NFIC: variants seen among roughly 807,000 people sequenced by gnomAD.
NFIC encodes the protein nuclear factor 1 C-type.
NFIC carries 12 observed loss-of-function variants against 54.4 expected under a neutral mutation model. That is an observed-to-expected ratio of 0.22 (90% confidence interval 0.14 to 0.36). The LOEUF is 0.36. Among genes scored for constraint, NFIC ranks in the 10% least tolerant of loss-of-function variants. The pLI is 1.00. For synonymous variants in NFIC, 322 were observed against 319.2 expected, an observed-to-expected ratio of 1.01 and a Z score of -0.09; for missense variants, 575 against 718.2, an observed-to-expected ratio of 0.80 and a Z score of 2.28.
intron 5 of NFIC, 163 bp from the exon 6 acceptor site, chr19:3,434,920 G>A (rs957056778): frequency 4.7e-5 from 44 of 941,794 alleles, no homozygotes; most frequent in Non-Finnish European, 6.3e-5. Flanking sequence ...TGGAACAGGC[G>A]TTCGTAGGGA....
chr19:3,458,925 A>G lies in NFIC; in HGVS notation c.1509+2290A>G, dbSNP rs1001511937. ...CCCAAACTGGGCATCCAGGGAGCAC[A>G]GGTCTGGGGAGGACCCCATTGCTGC... On this transcript the variant is annotated intron_variant, in intron 10 of 10. Coordinates refer to ENST00000443272, the MANE Select transcript of NFIC (RefSeq NM_001245002.2). The surrounding 1 kb of genome is among the most constrained non-coding windows in gnomAD (Gnocchi z 4.1). Among the ~76,000 whole-genome samples the G allele has an allele frequency of 6.6e-6, 1 of 152,090 alleles. No individual in the cohort carries two copies. Among genetic ancestry groups the G allele is most frequent in the Non-Finnish European group, 1.5e-5 (1 of 67,984 alleles).
In NFIC at chr19:3,464,141, C is replaced by CG. The variant is rs2082682949; in HGVS notation, c.*1373dup. On this transcript the variant is annotated 3_prime_UTR_variant, in exon 11 of 11. Coordinates refer to ENST00000443272, the MANE Select transcript of NFIC (RefSeq NM_001245002.2). ...GACCCCCCTCCCTGGTGCCTCCCAGCGAAGGGGGACCGCCGTTTGCACTTT... is the reference window on the plus strand; with the variant it reads ...GACCCCCCTCCCTGGTGCCTCCCAGCGGAAGGGGGACCGCCGTTTGCACTTT... The CG allele has an allele frequency of 2.0e-6, 2 of 985,182 alleles. No homozygotes were observed. Among genetic ancestry groups the CG allele is most frequent in the African/African-American group, 3.5e-5 (2 of 57,180 alleles). 61.0% of individuals were successfully genotyped at this position (985,182 alleles called of 1,614,324 possible). A position where few individuals can be genotyped will look rare whatever the true frequency, so the allele number is the denominator to read the frequency against.
intron 2 of NFIC, among the ~76,000 whole-genome samples, chr19:3,385,207 C>G (rs1232690517): frequency 3.3e-5 from 5 of 151,412 alleles, no homozygotes; most frequent in South Asian, 2.1e-4. Flanking sequence ...GCACACCCCC[C>G]CCCAACCCTC....
At chr19:3,395,765 C>T (rs975307170) in intron 2 of NFIC, among the ~76,000 whole-genome samples, 2 of 152,162 alleles carry the variant, frequency 1.3e-5, no homozygotes, top group East Asian at 1.9e-4. Flanking sequence ...ACTGCAACCT[C>T]CACCTCCCGG....
At chr19:3,377,251 G>A (rs964157973) in intron 1 of NFIC, among the ~76,000 whole-genome samples, 2 of 139,752 alleles carry the variant, frequency 1.4e-5, no homozygotes, top group African/African-American at 5.3e-5. Context: ...GGAGAATGGC[G>A]TGAACCCGGG....
At chr19:3,397,345 T>G (rs940529259) in intron 2 of NFIC, among the ~76,000 whole-genome samples, 8 of 152,222 alleles carry the variant, frequency 5.3e-5, no homozygotes, top group African/African-American at 1.9e-4. Context: ...GGGACTGCCC[T>G]GGAACGTTCC....
intron 2 of NFIC, among the ~76,000 whole-genome samples, chr19:3,387,829 G>A (rs965089697): frequency 7.2e-5 from 11 of 152,158 alleles, no homozygotes; most frequent in African/African-American, 1.9e-4. Context: ...AGGGTGACCC[G>A]GGTGCTCTCC....
intron 6 of NFIC, among the ~76,000 whole-genome samples, chr19:3,438,228 C>T (rs1352820897): frequency 6.6e-6 from 1 of 152,076 alleles, no homozygotes; most frequent in Non-Finnish European, 1.5e-5. Context: ...GACTTTTCTG[C>T]CCGGCTGCTC....
intron 6 of NFIC, among the ~76,000 whole-genome samples, chr19:3,448,186 C>T (rs1178729450): frequency 6.6e-6 from 1 of 152,212 alleles, no homozygotes; most frequent in African/African-American, 2.4e-5. Context: ...GATTCTCCTG[C>T]CTCAGCCTCC....
At chr19:3,457,070 CG>C (rs2082570821) in intron 10 of NFIC, among the ~76,000 whole-genome samples, 1 of 152,154 alleles carries the variant, frequency 6.6e-6, no homozygotes, top group African/African-American at 2.4e-5. Context: ...GCGGGGTGGC[CG>C]GGGGAAACTG....
Position 3,452,438 on chromosome 19 carries a change from G to A in NFIC, c.1085-44G>A, listed in dbSNP as rs112590311. 6.0e-4 allele frequency: 963 copies of A among 1,602,308 alleles called. 4 individuals are homozygous for A. In the African/African-American group the frequency reaches 0.011, roughly 18 times the overall value. On this transcript the variant is annotated intron_variant, in intron 7 of 10. Coordinates refer to ENST00000443272, the MANE Select transcript of NFIC (RefSeq NM_001245002.2). This position sits in a 1 kb window ranked among gnomAD's most constrained non-coding sequence, Gnocchi z 5.3. ...CAGTCACACGGTCACAGAGCAGACC[G>A]GCTGGAGCCCCCAAGTAACCCCCGC...
intron 3 of NFIC, 87 bp downstream of exon 3, chr19:3,425,264 C>G (rs1364647347): frequency 7.7e-6 from 11 of 1,434,660 alleles, no homozygotes; most frequent in Non-Finnish European, 1.0e-5. Context: ...CTTGGCACCA[C>G]TCGTTTTACA....
At chr19:3,422,778 A>G (rs2081973029) in intron 2 of NFIC, among the ~76,000 whole-genome samples, 1 of 152,094 alleles carries the variant, frequency 6.6e-6, no homozygotes, top group Non-Finnish European at 1.5e-5. Flanking sequence ...TGGAGACAGT[A>G]CTTGGCTCAG....
At chr19:3,434,003 T>G (rs1568179564) in intron 4 of NFIC, among the ~76,000 whole-genome samples, 2 of 152,126 alleles carry the variant, frequency 1.3e-5, no homozygotes, top group South Asian at 4.1e-4. Flanking sequence ...TGTCCTTCTT[T>G]AGCCCTGACT....
At chr19:3,391,321 G>A (rs1180685220) in intron 2 of NFIC, among the ~76,000 whole-genome samples, 3 of 152,096 alleles carry the variant, frequency 2.0e-5, no homozygotes, top group Non-Finnish European at 4.4e-5. Context: ...TAAAAATGTA[G>A]TTCTGGTTGT....
intron 5 of NFIC, among the ~76,000 whole-genome samples, chr19:3,434,812 C>G (rs1269491127): frequency 6.6e-6 from 1 of 152,198 alleles, no homozygotes; most frequent in East Asian, 1.9e-4. Flanking sequence ...AGCCAGGCTG[C>G]CTGGGTTTTG....
In NFIC at chr19:3,456,219, G is replaced by A. The variant is rs573331383; in HGVS notation, c.1424-331G>A. Among the ~76,000 whole-genome samples, 11 of 152,354 alleles carry A rather than the reference G, an allele frequency of 7.2e-5. No homozygotes were observed. The South Asian group carries it at 1.0e-3, about 14-fold the overall frequency. On this transcript the variant is annotated intron_variant, in intron 9 of 10. Coordinates refer to ENST00000443272, the MANE Select transcript of NFIC (RefSeq NM_001245002.2). Reference sequence around the variant, plus strand: ...GCAGCCCTCAGTGGCAGGACCGGGCGGGCGCTGCCCACCCTGAATAATTCA... The same window carrying A: ...GCAGCCCTCAGTGGCAGGACCGGGCAGGCGCTGCCCACCCTGAATAATTCA...
chr19:3,368,728 C>T (rs1354139103), intron 1 of NFIC, among the ~76,000 whole-genome samples: 1 of 152,140 alleles, frequency 6.6e-6, no homozygotes, highest in Non-Finnish European at 1.5e-5. Context: ...CAAGGCCCAG[C>T]CTGGTCTGGG....
chr19:3,433,998 T>C (rs1484243498), intron 4 of NFIC, among the ~76,000 whole-genome samples: 1 of 152,108 alleles, frequency 6.6e-6, no homozygotes, highest in Non-Finnish European at 1.5e-5. Context: ...GGCGCTGTCC[T>C]TCTTTAGCCC....
Sources: allele counts gnomAD v4.1 joint callset (sites outside exome capture counted in the v4.1 genomes callset), GRCh38; gene constraint gnomAD v4.1.1; non-coding constraint Gnocchi (gnomAD v3.1); transcripts MANE v1.5; gene names NCBI Gene and HGNC (gene_info 2026-07-23, HGNC 2026-07-21).